The following ZFX variants were observed in gnomAD, a reference collection of about 807,000 sequenced individuals.
The protein encoded by ZFX is zinc finger X-chromosomal protein.
For missense variants in ZFX, 362 were observed against 628.3 expected (o/e 0.58, Z 4.53); for synonymous variants, 196 against 226.8 (o/e 0.86, Z 1.22).
Position 24,203,251 on chromosome X carries a change from C to T in ZFX, c.647-4075C>T, listed in dbSNP as rs141814245. On this transcript the variant is annotated intron_variant, in intron 5 of 9. Transcript: ENST00000304543. ...CCAGCCCACTCCGCCAGTTGTACTA[C>T]CTCCGTCCTGATTCAAGGCCTCGTC... Among the ~76,000 whole-genome samples, 528 of 112,222 alleles carry T rather than the reference C, an allele frequency of 4.7e-3. 3 individuals are homozygous for T. Among genetic ancestry groups the T allele is most frequent in the African/African-American group, 0.016 (497 of 30,919 alleles).
chrX:24,165,226 T>A (rs773834175), intron 3 of ZFX, among the ~76,000 whole-genome samples: 7 of 112,501 alleles, frequency 6.2e-5, no homozygotes, highest in African/African-American at 2.3e-4. Flanking sequence ...GTTCAAGCAG[T>A]TCCCCTGCCT....
At chrX:24,190,823 A>T (rs1196558081) in intron 5 of ZFX, among the ~76,000 whole-genome samples, 1 of 112,539 alleles carries the variant, frequency 8.9e-6, no homozygotes, top group Non-Finnish European at 1.9e-5. Flanking sequence ...TCTGCTACTC[A>T]TTAGCTGAAT....
chrX:24,159,315 T>A (rs1168628775), intron 3 of ZFX, among the ~76,000 whole-genome samples: 1 of 112,568 alleles, frequency 8.9e-6, no homozygotes, highest in African/African-American at 3.2e-5. Context: ...AAACTATTTT[T>A]CGATTCCCGG....
At chrX:24,208,176 C>T in intron 7 of ZFX, 42 bp from the exon 8 acceptor site, 1 of 1,204,711 alleles carries the variant, frequency 8.3e-7, no homozygotes, top group Non-Finnish European at 1.1e-6. Context: ...CCTGTGATCT[C>T]TGTAAACCTG....
In ZFX at chrX:24,179,527, A is replaced by G. The variant is rs753920229; in HGVS notation, c.403A>G (p.Thr135Ala). The change falls in exon 5 of 10, where the codon ACG becomes GCG. Residue 135 changes from threonine to alanine, a missense_variant. Coordinates refer to ENST00000304543, the MANE Select transcript of ZFX (RefSeq NM_003410.4). ...ASMSMPEHVL[T>A]GDSIHVSDVG... ...AATGTCTATGCCAGAACACGTCTTG[A>G]CGGGTGATTCTATACATGTGTCTGA... The G allele has an allele frequency of 2.3e-5, 28 of 1,210,871 alleles. No individual in the cohort carries two copies. In the Admixed American group the frequency reaches 6.1e-4, roughly 26 times the overall value.
intron 4 of ZFX, among the ~76,000 whole-genome samples, chrX:24,176,666 A>G (rs1245928189): frequency 9.1e-6 from 1 of 110,105 alleles, no homozygotes; most frequent in Non-Finnish European, 1.9e-5. Context: ...CCTTGACTTC[A>G]GGTAATCTGC....
At position 24,157,479 on chromosome X, in the gene ZFX, A is replaced by G. The variant is rs149739904; in HGVS notation, c.-29+4649A>G. Among the ~76,000 whole-genome samples, 13 of 112,376 alleles carry G rather than the reference A, an allele frequency of 1.2e-4. No individual in the cohort carries two copies. In the East Asian group the frequency reaches 3.3e-3, roughly 29 times the overall value. On this transcript the variant is annotated intron_variant, in intron 3 of 9. Transcript: ENST00000304543. ...ATGATGTAGTTATCATTGCTTGCAC[A>G]TGCACAAACTTGGTCAGGGCTCTTC...
intron 4 of ZFX, chrX:24,173,483 C>T (rs1346326521): frequency 1.0e-6 from 1 of 968,464 alleles, no homozygotes; most frequent in Non-Finnish European, 1.3e-6. Context: ...AAATTATACT[C>T]AGGAAGTTCT....
At chrX:24,207,297 T>C (rs766398158) in intron 5 of ZFX, 29 bp from the exon 6 acceptor site, 1 of 1,146,015 alleles carries the variant, frequency 8.7e-7, no homozygotes, top group Non-Finnish European at 1.2e-6. Flanking sequence ...TATCTGTTAC[T>C]ATTTGTGATT....
chrX:24,150,403 G>T (rs1601766919), intron 1 of ZFX: 1 of 112,173 alleles, frequency 8.9e-6, no homozygotes, highest in Non-Finnish European at 1.9e-5. Flanking sequence ...GCGCGGAGGG[G>T]CGTGCTCGCT....
intron 3 of ZFX, among the ~76,000 whole-genome samples, chrX:24,160,406 C>T (rs113587964): frequency 0.023 from 2,402 of 105,639 alleles, 32 homozygotes; most frequent in Middle Eastern, 0.057. Context: ...TCAAGCGATT[C>T]TCTTGCCTCA....
intron 5 of ZFX, among the ~76,000 whole-genome samples, chrX:24,188,272 T>TA (rs747577348): frequency 1.8e-5 from 2 of 110,866 alleles, no homozygotes; most frequent in Admixed American, 1.9e-4. Flanking sequence ...CACTTGAAGA[T>TA]ATTGACCAAG....
intron 5 of ZFX, among the ~76,000 whole-genome samples, chrX:24,197,223 G>A (rs762644921): frequency 2.7e-5 from 3 of 111,428 alleles, no homozygotes; most frequent in East Asian, 2.8e-4. Flanking sequence ...TAATCCCAGC[G>A]CTGTAGGAAA....
At chrX:24,170,753 G>T (rs1272436939) in intron 3 of ZFX, among the ~76,000 whole-genome samples, 1 of 108,434 alleles carries the variant, frequency 9.2e-6, no homozygotes, top group Non-Finnish European at 1.9e-5. Context: ...TGGGATTACA[G>T]GCATGCGCCA....
rs774771830 is a variant in ZFX at position 24,154,153 on chromosome X, T to C, written c.-29+1323T>C. Among the ~76,000 whole-genome samples the C allele has an allele frequency of 2.7e-5, 3 of 112,515 alleles. No homozygotes were observed. In the South Asian group the frequency reaches 1.1e-3, roughly 41 times the overall value. On this transcript the variant is annotated intron_variant, in intron 3 of 9. Coordinates refer to ENST00000304543, the MANE Select transcript of ZFX (RefSeq NM_003410.4). ...ACACAGCCATTAGGCATTTAAAAAA[T>C]ATATTTAAAAAGTTTTATGGAATAT...
At chrX:24,153,184 C>CT (rs1420919175) in intron 3 of ZFX, among the ~76,000 whole-genome samples, 5 of 112,081 alleles carry the variant, frequency 4.5e-5, no homozygotes, top group Admixed American at 9.5e-5. Context: ...CAATTCCAAA[C>CT]TTTTTTTCAC....
At chrX:24,160,742 T>C (rs1189089407) in intron 3 of ZFX, among the ~76,000 whole-genome samples, 1 of 112,000 alleles carries the variant, frequency 8.9e-6, no homozygotes, top group Non-Finnish European at 1.9e-5. Context: ...CTTCTAGATA[T>C]TTGAAAATAC....
Position 24,149,751 on chromosome X carries a change from C to G in ZFX, c.-293C>G, listed in dbSNP as rs1931735801. On this transcript the variant is annotated 5_prime_UTR_variant, in exon 1 of 10. Coordinates refer to ENST00000304543, the MANE Select transcript of ZFX (RefSeq NM_003410.4). ...CCCAGTGCTCCAGAGAAAGGCCGGC[C>G]TGCAGCACCCGCCACCGTCGCCGGC... The G allele has an allele frequency of 9.0e-6, 1 of 110,700 alleles. No individual in the cohort carries two copies. The highest frequency in any genetic ancestry group is 3.7e-4 in the South Asian group (1 of 2,720). 9.1% of individuals were successfully genotyped at this position (110,700 alleles called of 1,213,427 possible).
Position 24,212,470 on chromosome X carries a change from A to ATATT in ZFX, c.*1096_*1099dup, listed in dbSNP as rs1440539673. On this transcript the variant is annotated 3_prime_UTR_variant, in exon 10 of 10. Coordinates refer to ENST00000304543, the MANE Select transcript of ZFX (RefSeq NM_003410.4). ...ACACTAGTATTTTTAAAGAGTAAAG[A>ATATT]TATTTTCTTTTAAATATCTTTGGTA... is the stretch of plus-strand genomic sequence containing the variant. 1.8e-5 allele frequency: 2 copies of ATATT among 112,512 alleles called. No homozygotes were observed. The highest frequency in any genetic ancestry group is 6.5e-5 in the African/African-American group (2 of 30,904). The allele number at this position is 112,512 out of a possible 1,213,427, so 9.3% of individuals were successfully genotyped here.
Sources: gnomAD v4.1 joint callset for allele counts (sites outside exome capture counted in the v4.1 genomes callset) on GRCh38, gnomAD v4.1.1 for gene constraint, MANE v1.5 for transcripts, NCBI Gene and HGNC (gene_info 2026-07-23, HGNC 2026-07-21) for gene names.